The following FUT8 variants were observed in gnomAD, a reference collection of about 807,000 sequenced individuals.
The protein encoded by FUT8 is fucosyltransferase 8.
FUT8 carries 29 observed loss-of-function variants against 71.3 expected under a neutral mutation model. The observed-to-expected ratio is 0.41, with a 90% CI of 0.30 to 0.55. FUT8 has a LOEUF of 0.55. Ranked by LOEUF, FUT8 falls within the 20% of genes least tolerant of loss-of-function variation. FUT8 has a pLI of 0.34. For synonymous variants in FUT8, 254 were observed against 239.3 expected (o/e 1.06, Z -0.57); for missense variants, 544 against 702.1 (o/e 0.77, Z 2.55).
intron 7 of FUT8, among the ~76,000 whole-genome samples, chr14:65,676,993 A>C (rs998440894): frequency 1.3e-5 from 2 of 152,124 alleles, no homozygotes; most frequent in African/African-American, 4.8e-5. Context: ...GGAATAGGAA[A>C]TAATAAAGTC....
intron 2 of FUT8, among the ~76,000 whole-genome samples, chr14:65,479,114 A>G (rs1434256524): frequency 6.6e-6 from 1 of 152,196 alleles, no homozygotes; most frequent in Non-Finnish European, 1.5e-5. Flanking sequence ...AGTTCCTTCA[A>G]TACATACATT....
At chr14:65,460,233 G>GTA (rs1232746742) in intron 2 of FUT8, among the ~76,000 whole-genome samples, 1 of 152,224 alleles carries the variant, frequency 6.6e-6, no homozygotes, top group East Asian at 1.9e-4. Context: ...GCTGAGCAGA[G>GTA]TACTGATAGC....
rs150583849 is a variant in FUT8, at chr14:65,742,287, T to C, written c.1605T>C (p.His535=). Residue 535 remains histidine (H), a synonymous_variant, in exon 11 of 11, where the codon CAT becomes CAC. Coordinates refer to ENST00000673929, the MANE Select transcript of FUT8 (RefSeq NM_001371533.1). ...PGDIIGVAGN[H]WDGYSKGVNR... is the part of the protein sequence containing the mutation. ...ATATCATTGGTGTGGCTGGAAATCATTGGGATGGCTATTCTAAAGGTGTCA... is the reference window on the plus strand; with the variant it reads ...ATATCATTGGTGTGGCTGGAAATCACTGGGATGGCTATTCTAAAGGTGTCA... 6.1e-5 allele frequency: 99 copies of C among 1,613,006 alleles called. No homozygotes were observed. Among genetic ancestry groups the C allele is most frequent in the African/African-American group, 3.5e-4 (26 of 74,942 alleles).
intron 7 of FUT8, among the ~76,000 whole-genome samples, chr14:65,687,301 GGTGAGGTATCATTATTTTTAATTAACATA>G (rs1233962013): frequency 6.6e-6 from 1 of 152,008 alleles, no homozygotes; most frequent in Non-Finnish European, 1.5e-5. Context: ...AAAATCACAT[GGTGAGGTATCATTATTTTTAATTAACATA>G]GAACTGAAGA....
At chr14:65,495,159 G>A (rs527597939) in intron 2 of FUT8, among the ~76,000 whole-genome samples, 41 of 142,044 alleles carry the variant, frequency 2.9e-4, no homozygotes, top group Admixed American at 2.3e-3. Flanking sequence ...CCTCAGGCAG[G>A]AATTACTGAA....
upstream of FUT8, among the ~76,000 whole-genome samples, chr14:65,406,104 AT>A (rs1336575530): frequency 6.6e-6 from 1 of 152,282 alleles, no homozygotes; most frequent in Non-Finnish European, 1.5e-5. Flanking sequence ...GATGGTCTGA[AT>A]TAAATGAATG....
At position 65,623,445 on chromosome 14, in the gene FUT8, C is replaced by T. The variant is rs550989986; in HGVS notation, c.483-6047C>T. On this transcript the variant is annotated intron_variant, in intron 5 of 10. Coordinates refer to ENST00000673929, the MANE Select transcript of FUT8 (RefSeq NM_001371533.1). ...AAATTCTGTTCTACTTGGCGGGGCG[C>T]GGTGGCTCATGCCTGTAATCCTAGC... Among the ~76,000 whole-genome samples the T allele has an allele frequency of 5.9e-5, 9 of 152,206 alleles. No individual in the cohort carries two copies. In the South Asian group the frequency reaches 1.7e-3, roughly 28 times the overall value.
chr14:65,445,162 C>T (rs377708166), intron 1 of FUT8, among the ~76,000 whole-genome samples: 11 of 152,192 alleles, frequency 7.2e-5, no homozygotes, highest in Middle Eastern at 3.4e-3. Context: ...GCCGAGATCA[C>T]GCCACTGCAC....
intron 7 of FUT8, among the ~76,000 whole-genome samples, chr14:65,694,076 C>T (rs1294729787): frequency 3.3e-5 from 5 of 152,026 alleles, no homozygotes; most frequent in Admixed American, 6.6e-5. Context: ...GGGTCTTCTC[C>T]CCTTCTTTCT....
At chr14:65,651,372 G>A (rs1041959511) in intron 6 of FUT8, among the ~76,000 whole-genome samples, 2 of 152,206 alleles carry the variant, frequency 1.3e-5, no homozygotes, top group African/African-American at 2.4e-5. Flanking sequence ...ACACTAAAAA[G>A]ACCCTAACAA....
chr14:65,496,127 C>T (rs1436627666), intron 2 of FUT8, among the ~76,000 whole-genome samples: 1 of 151,996 alleles, frequency 6.6e-6, no homozygotes, highest in Non-Finnish European at 1.5e-5. Flanking sequence ...AGTTGGCCCC[C>T]TTGAGGCTGC....
intron 2 of FUT8, among the ~76,000 whole-genome samples, chr14:65,514,986 T>A (rs572227192): frequency 4.2e-4 from 62 of 148,676 alleles, no homozygotes; most frequent in Non-Finnish European, 8.0e-4. Flanking sequence ...ACATTAGTAA[T>A]ATTTGGATTT....
At chr14:65,658,507 A>C (rs1008582586) in intron 6 of FUT8, among the ~76,000 whole-genome samples, 1 of 152,162 alleles carries the variant, frequency 6.6e-6, no homozygotes, top group Admixed American at 6.5e-5. Flanking sequence ...TGTAATAACC[A>C]AAAAGTGGAA....
chr14:65,552,309 C>A (rs542891446), intron 2 of FUT8, among the ~76,000 whole-genome samples: 3 of 152,182 alleles, frequency 2.0e-5, no homozygotes, highest in Admixed American at 2.0e-4. Context: ...CTATTGAAGG[C>A]AGGGATTTGT....
chr14:65,723,143 C>A (rs2139357081), intron 8 of FUT8, among the ~76,000 whole-genome samples: 1 of 149,410 alleles, frequency 6.7e-6, no homozygotes, highest in Admixed American at 6.7e-5. Flanking sequence ...TGGTTGAAAC[C>A]CCATCAATTA....
At chr14:65,705,192 A>G (rs1002559272) in intron 7 of FUT8, among the ~76,000 whole-genome samples, 2 of 147,316 alleles carry the variant, frequency 1.4e-5, no homozygotes, top group African/African-American at 2.4e-5. Flanking sequence ...AATTCATATG[A>G]CAGGCCATAG....
intron 2 of FUT8, among the ~76,000 whole-genome samples, chr14:65,469,866 A>G (rs548699014): frequency 2.0e-5 from 3 of 152,172 alleles, no homozygotes; most frequent in Admixed American, 6.5e-5. Flanking sequence ...GTCAATTGGT[A>G]CATCGGTGGC....
intron 3 of FUT8, among the ~76,000 whole-genome samples, chr14:65,598,218 TA>T (rs145294123): frequency 1.3e-5 from 2 of 151,796 alleles, no homozygotes; most frequent in African/African-American, 2.4e-5. Context: ...CTGTATTTAC[TA>T]AAAAAAAATT....
At chr14:65,678,865 T>G (rs1332675838) in intron 7 of FUT8, among the ~76,000 whole-genome samples, 2 of 152,224 alleles carry the variant, frequency 1.3e-5, no homozygotes, top group Non-Finnish European at 2.9e-5. Context: ...AACATCCCTT[T>G]GGTATCTCTC....
Sources: allele counts gnomAD v4.1 joint callset (sites outside exome capture counted in the v4.1 genomes callset), GRCh38; gene constraint gnomAD v4.1.1; transcripts MANE v1.5; gene names NCBI Gene and HGNC (gene_info 2026-07-23, HGNC 2026-07-21).